RGL3: variants seen among roughly 807,000 people sequenced by gnomAD.
RGL3 encodes the protein ral guanine nucleotide dissociation stimulator like 3, also known as ral guanine nucleotide dissociation stimulator-like 3.
A neutral mutation model predicts 90.6 loss-of-function variants in RGL3; 85 were observed. The ratio of observed to expected loss-of-function variants is 0.94; its 90% CI spans 0.79 to 1.12. RGL3 has a LOEUF of 1.12. Ranked by LOEUF, RGL3 falls within the 50% of genes most tolerant of loss-of-function variation. The pLI is 0.00. For synonymous variants in RGL3, 408 were observed against 385.5 expected, an observed-to-expected ratio of 1.06 and a Z score of -0.68; for missense variants, 1,034 against 939.2, an observed-to-expected ratio of 1.10 and a Z score of -1.32.
chr19:11,417,078 G>C lies in RGL3; in HGVS notation c.148-19C>G, dbSNP rs750937247. The C allele has an allele frequency of 6.4e-7, 1 of 1,566,438 alleles. No individual in the cohort carries two copies. Among genetic ancestry groups the C allele is most frequent in the East Asian group, 2.2e-5 (1 of 44,502 alleles). ...TGGGAGCCTGCAGGAGGGGAGAGGT[G>C]GCCATGAGAGAGCAGGAGTGGTCCT... On this transcript the variant is annotated intron_variant, in intron 2 of 18. Transcript: ENST00000380456.
intron 16 of RGL3, among the ~76,000 whole-genome samples, chr19:11,398,885 G>T (rs1326881478): frequency 6.6e-6 from 1 of 150,544 alleles, no homozygotes; most frequent in Non-Finnish European, 1.5e-5. Context: ...TGGCCAGGAT[G>T]GTCTCGATCT....
At chr19:11,412,642 C>A (rs576640151) in intron 5 of RGL3, among the ~76,000 whole-genome samples, 3 of 151,814 alleles carry the variant, frequency 2.0e-5, no homozygotes, top group Admixed American at 6.6e-5. Context: ...CGAGTCCAGC[C>A]TGGGCAACAG....
intron 4 of RGL3, 140 bp downstream of exon 4, chr19:11,416,474 C>T (rs1205495476): frequency 2.4e-6 from 2 of 850,200 alleles, no homozygotes; most frequent in Non-Finnish European, 4.0e-6. Context: ...GTTGGGATTA[C>T]AGGCATGAGC....
chr19:11,397,411 C>G (rs1292366748), intron 17 of RGL3, 34 bp downstream of exon 17: 2 of 1,587,806 alleles, frequency 1.3e-6, no homozygotes, highest in African/African-American at 1.3e-5. Flanking sequence ...AAGGGCAGGG[C>G]AGCCTCCAGC....
At position 11,405,412 on chromosome 19, in the gene RGL3, C is replaced by A. The variant is rs533479768; in HGVS notation, c.1011G>T (p.Leu337=). 6 of 1,575,070 alleles carry A rather than the reference C, an allele frequency of 3.8e-6. No individual in the cohort carries two copies. In the East Asian group the frequency reaches 1.4e-4, roughly 37 times the overall value. Residue 337 remains leucine (L), a synonymous_variant, in exon 8 of 19, where the codon CTG becomes CTT. Transcript: ENST00000380456. ...WIRIAQRCRE[L]RNFSSLRAIL... ...TGGCGCGCAAGGAGGAGAAGTTCCG[C>A]AGTTCTCGGCAGCGCTGCCAGGCGG...
intron 5 of RGL3, among the ~76,000 whole-genome samples, chr19:11,414,765 G>T (rs1398475763): frequency 6.6e-6 from 1 of 151,626 alleles, no homozygotes; most frequent in Non-Finnish European, 1.5e-5. Flanking sequence ...TGCCCCTGGG[G>T]ACAGAGCTGG....
Position 11,400,422 on chromosome 19 carries a change from A to C in RGL3, c.1485-125T>G, listed in dbSNP as rs1048702499. ...GGGGAGCAGCCAGAGGTGGCACCCCACATGCCAGGGTCAGGGTGGTAAATG... is the reference window on the plus strand; with the variant it reads ...GGGGAGCAGCCAGAGGTGGCACCCCCCATGCCAGGGTCAGGGTGGTAAATG... On this transcript the variant is annotated intron_variant, in intron 13 of 18. Coordinates refer to ENST00000380456, the MANE Select transcript of RGL3 (RefSeq NM_001035223.4). The C allele has an allele frequency of 5.7e-5, 39 of 680,212 alleles. No homozygotes were observed. The South Asian group carries it at 8.9e-4, about 16-fold the overall frequency. The allele number at this position is 680,212 out of a possible 1,614,324, so 42.1% of individuals were successfully genotyped here.
intron 9 of RGL3, among the ~76,000 whole-genome samples, chr19:11,404,644 G>C (rs1968736743): frequency 6.6e-6 from 1 of 152,186 alleles, no homozygotes; most frequent in Non-Finnish European, 1.5e-5. Context: ...CAGAGGCAGG[G>C]ACATTTAATC....
rs1463194766 is a variant in RGL3 at position 11,414,170 on chromosome 19, TATATATAC to T, written c.637+1759_637+1766del. 2.2e-3 allele frequency among the ~76,000 whole-genome samples: 229 copies of T among 104,802 alleles called. 9 individuals carry two copies. Among genetic ancestry groups the T allele is most frequent in the East Asian group, 6.1e-3 (20 of 3,268 alleles). The allele number at this position is 104,802 out of a possible 152,430, so 68.8% of individuals were successfully genotyped here. A position where few individuals can be genotyped will look rare whatever the true frequency, so the allele number is the denominator to read the frequency against. ...ATATATATATATATATATATATATA[TATATATAC>T]ACCTATATATATATACCTTTATATA... On this transcript the variant is annotated intron_variant, in intron 5 of 18. Coordinates refer to ENST00000380456, the MANE Select transcript of RGL3 (RefSeq NM_001035223.4).
At chr19:11,397,964 A>T (rs757900759) in intron 16 of RGL3, among the ~76,000 whole-genome samples, 4 of 152,050 alleles carry the variant, frequency 2.6e-5, no homozygotes, top group East Asian at 1.9e-4. Context: ...AGCCAAGATC[A>T]CGCTACTGCA....
chr19:11,400,133 G>C, intron 14 of RGL3, 25 bp from the exon 15 acceptor site: 1 of 1,596,236 alleles, frequency 6.3e-7, no homozygotes, highest in South Asian at 1.1e-5. Flanking sequence ...AGGGGATGAG[G>C]CTAAGGCAGG....
At position 11,414,528 on chromosome 19, in the gene RGL3, T is replaced by TATATAC. The variant is rs1568342108; in HGVS notation, c.637+1408_637+1409insGTATAT. Among the ~76,000 whole-genome samples the TATATAC allele has an allele frequency of 9.0e-4, 67 of 74,098 alleles. 17 individuals carry two copies. The highest frequency in any genetic ancestry group is 2.6e-3 in the Admixed American group (15 of 5,760). 48.6% of individuals were successfully genotyped at this position (74,098 alleles called of 152,430 possible). A position where few individuals can be genotyped will look rare whatever the true frequency, so the allele number is the denominator to read the frequency against. The stretch of plus-strand genomic sequence containing the variant: ...ATATATATATATATATATATATATA[T>TATATAC]ACCTTTATATATATATAAATAACTG... On this transcript the variant is annotated intron_variant, in intron 5 of 18. Coordinates refer to ENST00000380456, the MANE Select transcript of RGL3 (RefSeq NM_001035223.4).
At chr19:11,407,843 C>T (rs372995776) in intron 5 of RGL3, among the ~76,000 whole-genome samples, 3 of 151,034 alleles carry the variant, frequency 2.0e-5, no homozygotes, top group African/African-American at 7.3e-5. Flanking sequence ...CGAGCCACCA[C>T]GCCCAGCTAA....
intron 18 of RGL3, among the ~76,000 whole-genome samples, chr19:11,396,150 ATATATATATTTTT>A (rs1968565248): frequency 1.4e-5 from 1 of 69,608 alleles, no homozygotes; most frequent in African/African-American, 6.6e-5. Flanking sequence ...ATATATATAT[ATATATATATTTTT>A]TTTTTTTTTT....
chr19:11,407,197 G>T (rs1226902098), intron 5 of RGL3, among the ~76,000 whole-genome samples: 2 of 151,986 alleles, frequency 1.3e-5, no homozygotes, highest in African/African-American at 4.8e-5. Context: ...TGTTGGCCAG[G>T]CTGGTCTCAA....
chr19:11,414,976 A>G (rs1198882717), intron 5 of RGL3, among the ~76,000 whole-genome samples: 1 of 151,790 alleles, frequency 6.6e-6, no homozygotes, highest in Non-Finnish European at 1.5e-5. Context: ...ACCTTTACAA[A>G]AAAATTAGCC....
In RGL3 at chr19:11,396,152, ATATATATTTTTTTTTTT is replaced by A. The variant is rs1389437856; in HGVS notation, c.2014+1075_2014+1091del. Among the ~76,000 whole-genome samples, 4 of 66,916 alleles carry A rather than the reference ATATATATTTTTTTTTTT, an allele frequency of 6.0e-5. No individual in the cohort carries two copies. The East Asian group carries it at 1.2e-3, about 19-fold the overall frequency. The allele number at this position is 66,916 out of a possible 152,430, so 43.9% of individuals were successfully genotyped here. ...TCTCTCTCTCTATATATATATATAT[ATATATATTTTTTTTTTT>A]TTTTTTTTTTTTTTTTTGAGACAGA... On this transcript the variant is annotated intron_variant, in intron 18 of 18. Coordinates refer to ENST00000380456, the MANE Select transcript of RGL3 (RefSeq NM_001035223.4).
intron 9 of RGL3, among the ~76,000 whole-genome samples, chr19:11,404,917 T>C (rs1032045259): frequency 1.3e-5 from 2 of 152,212 alleles, no homozygotes; most frequent in Non-Finnish European, 2.9e-5. Flanking sequence ...TTGTGACTTC[T>C]TGTGTTTTGC....
In RGL3 at chr19:11,397,565, C is replaced by A; in HGVS notation, c.1779G>T (p.Arg593=). 6.3e-7 allele frequency: 1 copy of A among 1,590,526 alleles called. No homozygotes were observed. Among genetic ancestry groups the A allele is most frequent in the Non-Finnish European group, 8.6e-7 (1 of 1,167,648 alleles). The change falls in exon 17 of 19, where the codon CGG becomes CGT. Residue 593 remains arginine (R), a synonymous_variant. Coordinates refer to ENST00000380456, the MANE Select transcript of RGL3 (RefSeq NM_001035223.4). ...GGCTGCCCAGAGGCAAAGCGAAGGGCCGGGGGCTGGGCAGGTCCAGGCTCA... is the reference window on the plus strand; with the variant it reads ...GGCTGCCCAGAGGCAAAGCGAAGGGACGGGGGCTGGGCAGGTCCAGGCTCA... ...LPLSLDLPSP[R]PFALPLGSPR... is the part of the protein sequence containing the mutation.
Sources: gnomAD v4.1 joint callset for allele counts (sites outside exome capture counted in the v4.1 genomes callset) on GRCh38, gnomAD v4.1.1 for gene constraint, MANE v1.5 for transcripts, NCBI Gene and HGNC (gene_info 2026-07-23, HGNC 2026-07-21) for gene names.